EDA: variants seen among roughly 807,000 people sequenced by gnomAD.
EDA encodes ectodysplasin A.
A neutral mutation model predicts 23.6 loss-of-function variants in EDA; 2 were observed. The ratio of observed to expected loss-of-function variants is 0.08; its 90% CI spans 0.03 to 0.27. EDA has a LOEUF of 0.27. Among genes scored for constraint, EDA ranks in the 10% least tolerant of loss-of-function variants. The pLI is 1.00. For synonymous variants in EDA, 131 were observed against 132.0 expected, an observed-to-expected ratio of 0.99 and a Z score of 0.05; for missense variants, 229 against 324.2, an observed-to-expected ratio of 0.71 and a Z score of 2.26.
intron 1 of EDA, among the ~76,000 whole-genome samples, chrX:69,955,113 G>A (rs1367580359): frequency 2.7e-5 from 3 of 111,885 alleles, no homozygotes; most frequent in African/African-American, 9.7e-5. Context: ...AGATTTTATT[G>A]TAAACAGCAG....
chrX:69,644,895 T>A (rs1472988531), intron 1 of EDA, among the ~76,000 whole-genome samples: 1 of 112,106 alleles, frequency 8.9e-6, no homozygotes, highest in Non-Finnish European at 1.9e-5. Context: ...TCTTTAGTTC[T>A]GTATATGTGA....
chrX:69,872,732 A>G (rs1050440449), intron 1 of EDA, among the ~76,000 whole-genome samples: 5 of 111,545 alleles, frequency 4.5e-5, no homozygotes, highest in Non-Finnish European at 9.4e-5. Flanking sequence ...CTAACACTGG[A>G]GCTCCAAAAT....
intron 1 of EDA, among the ~76,000 whole-genome samples, chrX:69,756,310 C>T (rs1489963609): frequency 1.8e-5 from 2 of 112,001 alleles, no homozygotes; most frequent in East Asian, 2.8e-4. Context: ...TGTTTTGTTC[C>T]AGGTATTGAT....
At chrX:69,681,326 C>T (rs1296297056) in intron 1 of EDA, among the ~76,000 whole-genome samples, 1 of 108,540 alleles carries the variant, frequency 9.2e-6, no homozygotes, top group Non-Finnish European at 1.9e-5. Flanking sequence ...CGAGGAGTAT[C>T]TTTGTGGCGT....
chrX:69,983,015 CCTT>C (rs751532414), intron 2 of EDA, among the ~76,000 whole-genome samples: 5 of 20,281 alleles, frequency 2.5e-4, no homozygotes, highest in Non-Finnish European at 4.3e-4. Context: ...TATGTAATGG[CCTT>C]CTTTGTCTCT....
At chrX:69,715,853 A>G (rs2012306831) in intron 1 of EDA, among the ~76,000 whole-genome samples, 1 of 109,903 alleles carries the variant, frequency 9.1e-6, no homozygotes, top group African/African-American at 3.3e-5. Flanking sequence ...TTTTTTTTTC[A>G]TGTGCTTGTT....
chrX:69,952,586 TTTTCA>T (rs2018943144), intron 1 of EDA, among the ~76,000 whole-genome samples: 1 of 111,987 alleles, frequency 8.9e-6, no homozygotes, highest in Non-Finnish European at 1.9e-5. Context: ...GTTCAAAGCA[TTTTCA>T]TATACAGGCA....
At chrX:69,987,482 A>G (rs1446624994) in intron 2 of EDA, among the ~76,000 whole-genome samples, 1 of 109,431 alleles carries the variant, frequency 9.1e-6, no homozygotes, top group Non-Finnish European at 1.9e-5. Context: ...TGGAACTTGA[A>G]GAACAAGTGG....
intron 1 of EDA, among the ~76,000 whole-genome samples, chrX:69,815,845 T>C (rs748362431): frequency 1.8e-5 from 2 of 112,494 alleles, no homozygotes; most frequent in Non-Finnish European, 3.8e-5. Context: ...GCCAGACTGC[T>C]TCTTAGGGCA....
chrX:69,656,376 C>G (rs977276159), intron 1 of EDA, among the ~76,000 whole-genome samples: 1 of 111,709 alleles, frequency 9.0e-6, no homozygotes, highest in Non-Finnish European at 1.9e-5. Flanking sequence ...TTGGCAAAGT[C>G]AAAATCACAA....
chrX:69,630,487 G>A (rs1393458844), intron 1 of EDA, among the ~76,000 whole-genome samples: 1 of 111,902 alleles, frequency 8.9e-6, no homozygotes, highest in Admixed American at 9.5e-5. Context: ...TGTAGAAAGA[G>A]TACTGGAATA....
At chrX:69,639,728 T>C (rs1932819438) in intron 1 of EDA, among the ~76,000 whole-genome samples, 1 of 112,175 alleles carries the variant, frequency 8.9e-6, no homozygotes, top group Non-Finnish European at 1.9e-5. Context: ...TTTCACTTTG[T>C]TGTTAATATC....
intron 1 of EDA, among the ~76,000 whole-genome samples, chrX:69,804,811 A>G (rs1373645945): frequency 8.9e-6 from 1 of 111,822 alleles, no homozygotes; most frequent in Non-Finnish European, 1.9e-5. Context: ...TATTAATACT[A>G]CATAGAATTG....
chrX:69,753,634 T>A (rs1263093566), intron 1 of EDA, among the ~76,000 whole-genome samples: 1 of 111,618 alleles, frequency 9.0e-6, no homozygotes, highest in Non-Finnish European at 1.9e-5. Flanking sequence ...GATATCCTTG[T>A]TAACTTTCTG....
intron 1 of EDA, among the ~76,000 whole-genome samples, chrX:69,943,782 G>A (rs981131682): frequency 1.8e-5 from 2 of 110,037 alleles, no homozygotes; most frequent in Non-Finnish European, 3.8e-5. Context: ...CCTGGCCCCA[G>A]ACAGGTCCAA....
intron 1 of EDA, among the ~76,000 whole-genome samples, chrX:69,685,498 A>G (rs1251519779): frequency 2.7e-5 from 3 of 112,358 alleles, no homozygotes; most frequent in Non-Finnish European, 5.6e-5. Flanking sequence ...GATAATTTCA[A>G]AACTTGAGTG....
chrX:69,781,535 C>A (rs958964526), intron 1 of EDA, among the ~76,000 whole-genome samples: 1 of 111,565 alleles, frequency 9.0e-6, no homozygotes, highest in African/African-American at 3.3e-5. Context: ...TCAAAAGGCC[C>A]AAAATATTTA....
At chrX:69,837,235 G>A (rs1023355119) in intron 1 of EDA, among the ~76,000 whole-genome samples, 1 of 111,722 alleles carries the variant, frequency 9.0e-6, no homozygotes, top group Admixed American at 9.5e-5. Context: ...TGACTACACA[G>A]TTAAACCCAC....
chrX:70,013,088 C>T (rs952006888), intron 2 of EDA, among the ~76,000 whole-genome samples: 13 of 112,567 alleles, frequency 1.2e-4, no homozygotes, highest in Admixed American at 1.9e-4. Flanking sequence ...CACTGGGCAA[C>T]GCCTCTCCAC....
Sources: allele counts gnomAD v4.1 joint callset (sites outside exome capture counted in the v4.1 genomes callset), GRCh38; gene constraint gnomAD v4.1.1; transcripts MANE v1.5; gene names NCBI Gene and HGNC (gene_info 2026-07-23, HGNC 2026-07-21).